SLC25A13: variants seen among roughly 807,000 people sequenced by gnomAD.
The protein encoded by SLC25A13 is solute carrier family 25 member 13.
In SLC25A13, 70 loss-of-function variants were observed where a neutral mutation model predicts 85.5. The ratio of observed to expected loss-of-function variants is 0.82; its 90% CI spans 0.68 to 1.00. SLC25A13 has a LOEUF of 1.00. Ranked by LOEUF, SLC25A13 falls within the 50% of genes least tolerant of loss-of-function variation. The pLI is 0.00. For missense variants in SLC25A13, 765 were observed against 819.8 expected (o/e 0.93, Z 0.82); for synonymous variants, 259 against 288.7 (o/e 0.90, Z 1.04).
intron 4 of SLC25A13, among the ~76,000 whole-genome samples, chr7:96,221,030 A>G (rs894069950): frequency 6.6e-6 from 1 of 152,230 alleles, no homozygotes; most frequent in Non-Finnish European, 1.5e-5. Context: ...AGCAAAAAGT[A>G]CAATATTTTA....
At chr7:96,303,378 T>C (rs539132909) in intron 1 of SLC25A13, among the ~76,000 whole-genome samples, 5 of 152,004 alleles carry the variant, frequency 3.3e-5, no homozygotes, top group Non-Finnish European at 4.4e-5. Context: ...TAAATAAGCA[T>C]GCAGTGACAA....
chr7:96,314,416 TAG>T (rs1242137578), intron 1 of SLC25A13, among the ~76,000 whole-genome samples: 1 of 152,070 alleles, frequency 6.6e-6, no homozygotes, highest in African/African-American at 2.4e-5. Flanking sequence ...GCCATGAAAA[TAG>T]AGTTTGCTCA....
chr7:96,177,384 T>G (rs897164005), intron 11 of SLC25A13, among the ~76,000 whole-genome samples: 1 of 152,216 alleles, frequency 6.6e-6, no homozygotes, highest in Non-Finnish European at 1.5e-5. Context: ...ACTTAAATGA[T>G]CCTTAACCTC....
chr7:96,123,296 A>G (rs1200356574), intron 15 of SLC25A13, among the ~76,000 whole-genome samples: 1 of 152,162 alleles, frequency 6.6e-6, no homozygotes, highest in Non-Finnish European at 1.5e-5. Flanking sequence ...GAAACAAGAA[A>G]AATGCTTAGA....
intron 15 of SLC25A13, among the ~76,000 whole-genome samples, chr7:96,126,957 C>A (rs528578559): frequency 6.6e-6 from 1 of 152,240 alleles, no homozygotes; most frequent in South Asian, 2.1e-4. Context: ...TCATAATACA[C>A]AATCTAATGT....
chr7:96,153,981 C>T (rs1490363286), intron 13 of SLC25A13, among the ~76,000 whole-genome samples: 5 of 152,132 alleles, frequency 3.3e-5, no homozygotes, highest in Non-Finnish European at 7.4e-5. Flanking sequence ...TCATTAGATT[C>T]AATGTTGCAA....
intron 4 of SLC25A13, among the ~76,000 whole-genome samples, chr7:96,215,505 C>G (rs2116739870): frequency 6.6e-6 from 1 of 152,062 alleles, no homozygotes; most frequent in Non-Finnish European, 1.5e-5. Context: ...AAAAAATTAA[C>G]CCTCACATTT....
intron 1 of SLC25A13, among the ~76,000 whole-genome samples, chr7:96,303,216 A>C (rs1158706720): frequency 6.6e-6 from 1 of 152,138 alleles, no homozygotes; most frequent in African/African-American, 2.4e-5. Flanking sequence ...CACCCTCCCA[A>C]ACCTGAAACA....
intron 3 of SLC25A13, among the ~76,000 whole-genome samples, chr7:96,260,430 A>G (rs1421441804): frequency 2.6e-5 from 4 of 152,060 alleles, no homozygotes. Flanking sequence ...CATAATAATC[A>G]ATACAAAAAA....
intron 4 of SLC25A13, among the ~76,000 whole-genome samples, chr7:96,215,107 A>G (rs1795839794): frequency 6.6e-6 from 1 of 152,130 alleles, no homozygotes; most frequent in East Asian, 1.9e-4. Context: ...ACAATCTTGA[A>G]AAAGAAGAAC....
intron 5 of SLC25A13, among the ~76,000 whole-genome samples, chr7:96,205,462 G>A (rs1167934837): frequency 6.6e-6 from 1 of 152,142 alleles, no homozygotes; most frequent in Admixed American, 6.5e-5. Flanking sequence ...ATATGGAGAT[G>A]AAGTTAACTG....
intron 3 of SLC25A13, among the ~76,000 whole-genome samples, chr7:96,253,091 C>G (rs1797497568): frequency 6.6e-6 from 1 of 152,046 alleles, no homozygotes; most frequent in Non-Finnish European, 1.5e-5. Flanking sequence ...AAGGCTCCAT[C>G]TCAAAAAAGA....
intron 15 of SLC25A13, among the ~76,000 whole-genome samples, chr7:96,131,051 C>A (rs1020648383): frequency 6.6e-6 from 1 of 152,120 alleles, no homozygotes; most frequent in South Asian, 2.1e-4. Flanking sequence ...ATCCTGTGAC[C>A]GCCTTAGGGT....
At chr7:96,172,756 C>A (rs769567924) in intron 11 of SLC25A13, among the ~76,000 whole-genome samples, 9 of 151,770 alleles carry the variant, frequency 5.9e-5, no homozygotes, top group Admixed American at 1.3e-4. Flanking sequence ...TGAGGACAAG[C>A]GCCAGTTTGT....
chr7:96,238,883 G>A (rs919667386), intron 3 of SLC25A13, among the ~76,000 whole-genome samples: 1 of 151,642 alleles, frequency 6.6e-6, no homozygotes, highest in Non-Finnish European at 1.5e-5. Context: ...CTAGAAAAGG[G>A]ATGTTTTTGG....
chr7:96,273,600 C>T lies in SLC25A13; in HGVS notation c.212+3596G>A, dbSNP rs547328723. Reference sequence around the variant, plus strand: ...ACCATAAAAAGAAATTATGTGTGTACGTGTTTGTGTGTAGAAAATGTGTGT... The same window carrying T: ...ACCATAAAAAGAAATTATGTGTGTATGTGTTTGTGTGTAGAAAATGTGTGT... On this transcript the variant is annotated intron_variant, in intron 3 of 17. Coordinates refer to ENST00000265631, the MANE Select transcript of SLC25A13 (RefSeq NM_014251.3). Among the ~76,000 whole-genome samples, 16 of 152,156 alleles carry T rather than the reference C, an allele frequency of 1.1e-4. 1 individual carries two copies. The highest frequency in any genetic ancestry group is 7.9e-4 in the Admixed American group (12 of 15,274).
chr7:96,269,110 GT>G (rs1444616857), intron 3 of SLC25A13, among the ~76,000 whole-genome samples: 1 of 152,158 alleles, frequency 6.6e-6, no homozygotes, highest in Non-Finnish European at 1.5e-5. Flanking sequence ...AACAAGCACT[GT>G]GTTTTTTTTT....
At chr7:96,321,795 CT>C in intron 1 of SLC25A13, 146 bp downstream of exon 1, 1 of 1,070,860 alleles carries the variant, frequency 9.3e-7, no homozygotes, top group Non-Finnish European at 1.3e-6. Context: ...GGCCCCCTCC[CT>C]CCAGCAGCCG....
chr7:96,151,671 A>G (rs1251606346), intron 13 of SLC25A13, among the ~76,000 whole-genome samples: 4 of 149,590 alleles, frequency 2.7e-5, no homozygotes, highest in Admixed American at 2.7e-4. Context: ...GGTCGGGTGC[A>G]GTGACTCATG....
Sources: gnomAD v4.1 joint callset for allele counts (sites outside exome capture counted in the v4.1 genomes callset) on GRCh38, gnomAD v4.1.1 for gene constraint, MANE v1.5 for transcripts, NCBI Gene and HGNC (gene_info 2026-07-23, HGNC 2026-07-21) for gene names.